Variants in SPECC1 observed in about 807,000 individuals in gnomAD.
The protein encoded by SPECC1 is cytospin-B.
SPECC1 carries 62 observed loss-of-function variants against 104.1 expected under a neutral mutation model. That is an observed-to-expected ratio of 0.60 (90% CI 0.49 to 0.74). The LOEUF is 0.74. SPECC1 is among the 30% of genes least tolerant of loss of function. The pLI, the probability that SPECC1 is intolerant of heterozygous loss-of-function variation, is 0.00. For synonymous variants in SPECC1, 513 were observed against 501.6 expected (o/e 1.02, Z -0.30); for missense variants, 1,306 against 1,310.5 (o/e 1.00, Z 0.05).
At chr17:20,239,174 G>A (rs1944827368) in intron 7 of SPECC1, 2 of 1,024,822 alleles carry the variant, frequency 2.0e-6, no homozygotes, top group African/African-American at 3.4e-5. Flanking sequence ...TTAAAGTCTA[G>A]ATGTGTTTTG....
intron 1 of SPECC1, among the ~76,000 whole-genome samples, chr17:20,019,861 CTTCTT>C (rs1486847263): frequency 1.3e-4 from 5 of 38,226 alleles, no homozygotes; most frequent in African/African-American, 5.2e-4. Flanking sequence ...TCATCACTGG[CTTCTT>C]TGTCACTGGC....
At chr17:20,291,046 C>T (rs554224448) in intron 12 of SPECC1, among the ~76,000 whole-genome samples, 1 of 152,134 alleles carries the variant, frequency 6.6e-6, no homozygotes, top group African/African-American at 2.4e-5. Flanking sequence ...GGGAAGGGAG[C>T]GAGGAAGGGT....
intron 7 of SPECC1, chr17:20,239,487 A>C (rs2039094456): frequency 5.8e-6 from 1 of 173,038 alleles, no homozygotes; most frequent in South Asian, 1.9e-4. Flanking sequence ...AATACATAGA[A>C]ATCTATCTTA....
chr17:20,310,558 C>T (rs1365214915), intron 14 of SPECC1, among the ~76,000 whole-genome samples: 1 of 152,202 alleles, frequency 6.6e-6, no homozygotes, highest in African/African-American at 2.4e-5. Flanking sequence ...AAGCAACTCC[C>T]CAGAAAAGGA....
chr17:20,051,679 A>G (rs2045782777), intron 1 of SPECC1, among the ~76,000 whole-genome samples: 1 of 152,168 alleles, frequency 6.6e-6, no homozygotes, highest in East Asian at 1.9e-4. Flanking sequence ...TTCAGCAGAC[A>G]AGGATCTTGC....
At chr17:20,226,443 A>G (rs981590274) in intron 4 of SPECC1, among the ~76,000 whole-genome samples, 9 of 152,332 alleles carry the variant, frequency 5.9e-5, no homozygotes, top group South Asian at 2.1e-4. Flanking sequence ...GGACAATACT[A>G]TGTATTGTCA....
intron 12 of SPECC1, among the ~76,000 whole-genome samples, chr17:20,268,079 T>A (rs1204926853): frequency 6.6e-6 from 1 of 152,222 alleles, no homozygotes; most frequent in Non-Finnish European, 1.5e-5. Context: ...TATTTACTGT[T>A]ACTTGAATTC....
chr17:20,212,597 T>A (rs1396126344), intron 4 of SPECC1, among the ~76,000 whole-genome samples: 1 of 152,074 alleles, frequency 6.6e-6, no homozygotes, highest in East Asian at 1.9e-4. Flanking sequence ...TTCAATTACC[T>A]CCCACTGGGG....
intron 3 of SPECC1, among the ~76,000 whole-genome samples, chr17:20,173,175 A>G (rs1478185511): frequency 6.6e-6 from 1 of 152,228 alleles, no homozygotes; most frequent in Non-Finnish European, 1.5e-5. Context: ...ACTCTGGGAA[A>G]CACAGGGAAA....
intron 3 of SPECC1, among the ~76,000 whole-genome samples, chr17:20,177,555 A>G (rs1353050344): frequency 6.6e-6 from 1 of 152,140 alleles, no homozygotes; most frequent in Non-Finnish European, 1.5e-5. Flanking sequence ...ATTAAATTTC[A>G]TATCTTGAAT....
At chr17:20,035,720 A>G (rs2045045128) in intron 1 of SPECC1, among the ~76,000 whole-genome samples, 1 of 152,170 alleles carries the variant, frequency 6.6e-6, no homozygotes, top group African/African-American at 2.4e-5. Context: ...CTACTGACCT[A>G]AAACAATCCT....
At chr17:20,036,144 AT>A (rs144861908) in intron 1 of SPECC1, among the ~76,000 whole-genome samples, 1 of 149,622 alleles carries the variant, frequency 6.7e-6, no homozygotes. Context: ...GCTTTATTTT[AT>A]TTTTTTTGAG....
chr17:20,242,795 TAATA>T (rs2039262710), intron 7 of SPECC1, among the ~76,000 whole-genome samples: 1 of 152,224 alleles, frequency 6.6e-6, no homozygotes, highest in African/African-American at 2.4e-5. Flanking sequence ...TAAGGGATAA[TAATA>T]TCTAGTTTTG....
At chr17:20,147,972 T>G (rs2031624849) in intron 3 of SPECC1, among the ~76,000 whole-genome samples, 1 of 151,724 alleles carries the variant, frequency 6.6e-6, no homozygotes, top group Non-Finnish European at 1.5e-5. Flanking sequence ...AGCCCAGGAG[T>G]TCGAGACTGC....
intron 7 of SPECC1, among the ~76,000 whole-genome samples, chr17:20,245,571 A>G (rs2039386969): frequency 6.6e-6 from 1 of 152,156 alleles, no homozygotes. Flanking sequence ...TGCATTCACC[A>G]TTGACAGTAG....
intron 3 of SPECC1, among the ~76,000 whole-genome samples, chr17:20,173,588 A>T (rs918522197): frequency 6.6e-6 from 1 of 152,226 alleles, no homozygotes; most frequent in South Asian, 2.1e-4. Flanking sequence ...CGAAGTAATG[A>T]TGGCAACTTG....
At chr17:20,059,629 C>A (rs1268058053) in intron 1 of SPECC1, among the ~76,000 whole-genome samples, 1 of 152,178 alleles carries the variant, frequency 6.6e-6, no homozygotes, top group Non-Finnish European at 1.5e-5. Flanking sequence ...CCCTGAGACC[C>A]TTTTCCACAT....
At chr17:20,087,496 G>T (rs192634375) in intron 1 of SPECC1, among the ~76,000 whole-genome samples, 3 of 152,100 alleles carry the variant, frequency 2.0e-5, no homozygotes, top group Admixed American at 1.3e-4. Context: ...TTGCCTTCCA[G>T]TTCTCTTTTG....
At chr17:20,175,888 T>C (rs1355237883) in intron 3 of SPECC1, among the ~76,000 whole-genome samples, 1 of 152,212 alleles carries the variant, frequency 6.6e-6, no homozygotes, top group East Asian at 1.9e-4. Flanking sequence ...GCCAAGGGAT[T>C]TGAATCCAGG....
Sources: gnomAD v4.1 joint callset for allele counts (sites outside exome capture counted in the v4.1 genomes callset) on GRCh38, gnomAD v4.1.1 for gene constraint, MANE v1.5 for transcripts, NCBI Gene and HGNC (gene_info 2026-07-23, HGNC 2026-07-21) for gene names.